Variants in NPAS3 observed in about 807,000 individuals in gnomAD.
NPAS3 encodes the protein neuronal PAS domain-containing protein 3.
Under a neutral mutation model 73.1 loss-of-function variants are expected in NPAS3, and 14 were observed. That is an observed-to-expected ratio of 0.19 (90% CI 0.13 to 0.30). NPAS3 has a LOEUF of 0.30. Among genes scored for constraint, NPAS3 ranks in the 10% least tolerant of loss-of-function variants. NPAS3 has a pLI of 1.00. For synonymous variants in NPAS3, 620 were observed against 541.5 expected, an observed-to-expected ratio of 1.14 and a Z score of -2.01; for missense variants, 1,096 against 1,250.0, an observed-to-expected ratio of 0.88 and a Z score of 1.86.
intron 4 of NPAS3, among the ~76,000 whole-genome samples, chr14:33,419,289 GA>G: frequency 6.6e-6 from 1 of 151,744 alleles, no homozygotes; most frequent in South Asian, 2.1e-4. Context: ...AGATAAGAAA[GA>G]ATAATAAAGA....
intron 7 of NPAS3, among the ~76,000 whole-genome samples, chr14:33,766,077 C>A (rs1002104220): frequency 3.9e-5 from 6 of 152,188 alleles, no homozygotes; most frequent in Admixed American, 3.3e-4. Flanking sequence ...TAGGTTTTCC[C>A]TCATGTGCCA....
chr14:33,225,119 G>C lies in NPAS3; in HGVS notation c.385+9693G>C, dbSNP rs1566697379. Among the ~76,000 whole-genome samples, 6 of 152,106 alleles carry C rather than the reference G, an allele frequency of 3.9e-5. No homozygotes were observed. In the South Asian group the frequency reaches 1.2e-3, roughly 32 times the overall value. On this transcript the variant is annotated intron_variant, in intron 3 of 11. Coordinates refer to ENST00000356141, the Ensembl canonical transcript of NPAS3. ...GCTCAACATTCTAAAGTGCTTCATG[G>C]CTGATTGTATTAGGAAACGTGATTA...
At chr14:33,141,316 G>A (rs1302553138) in intron 2 of NPAS3, among the ~76,000 whole-genome samples, 2 of 152,206 alleles carry the variant, frequency 1.3e-5, no homozygotes, top group Non-Finnish European at 2.9e-5. Flanking sequence ...GATGATGGGT[G>A]TGAGCTATTG....
chr14:33,461,527 G>A (rs1041648419), intron 4 of NPAS3, among the ~76,000 whole-genome samples: 1 of 152,220 alleles, frequency 6.6e-6, no homozygotes, highest in Non-Finnish European at 1.5e-5. Flanking sequence ...TATAAAAGAT[G>A]TTATGAGTTC....
At position 33,369,466 on chromosome 14, in the gene NPAS3, A is replaced by G. The variant is rs1342858832; in HGVS notation, c.468+2198A>G. 1.1e-4 allele frequency among the ~76,000 whole-genome samples: 17 copies of G among 151,428 alleles called. No homozygotes were observed. The East Asian group carries it at 1.5e-3, about 14-fold the overall frequency. On this transcript the variant is annotated intron_variant, in intron 4 of 11. Transcript: ENST00000356141. The stretch of plus-strand genomic sequence containing the variant: ...TCTGTGTCGCTTCAGAATATGAGAA[A>G]AAAGATAAATGGATGAAAATTTAGA...
At chr14:33,028,966 T>A (rs2039899644) in intron 1 of NPAS3, among the ~76,000 whole-genome samples, 1 of 152,132 alleles carries the variant, frequency 6.6e-6, no homozygotes, top group Non-Finnish European at 1.5e-5. Flanking sequence ...CTATTTTTCC[T>A]GATGCTCTCC....
At chr14:33,729,065 AAG>A (rs2061340502) in intron 6 of NPAS3, among the ~76,000 whole-genome samples, 1 of 152,210 alleles carries the variant, frequency 6.6e-6, no homozygotes, top group African/African-American at 2.4e-5. Context: ...GAGAACAGGA[AAG>A]AGAGACAACA....
intron 5 of NPAS3, among the ~76,000 whole-genome samples, chr14:33,599,489 A>G (rs112970390): frequency 1.3e-5 from 2 of 152,368 alleles, no homozygotes; most frequent in African/African-American, 2.4e-5. Flanking sequence ...CCTGTGCACC[A>G]TAATAAATAT....
chr14:33,699,860 A>T (rs2060481571), intron 6 of NPAS3, among the ~76,000 whole-genome samples: 1 of 152,282 alleles, frequency 6.6e-6, no homozygotes, highest in Non-Finnish European at 1.5e-5. Context: ...GGCACAGCTC[A>T]TATATTCCAA....
rs150827564 is a variant in NPAS3, at chr14:33,556,970, G to C, written c.469-3151G>C. Among the ~76,000 whole-genome samples the C allele has an allele frequency of 4.7e-3, 713 of 152,302 alleles. 9 individuals are homozygous for C. The highest frequency in any genetic ancestry group is 0.016 in the African/African-American group (650 of 41,550). ...ACAGTTCTCCGTGATTGTGTACCAA[G>C]CCATGGCTATCAGGTCGAATGGAAA... On this transcript the variant is annotated intron_variant, in intron 4 of 11. Coordinates refer to ENST00000356141, the Ensembl canonical transcript of NPAS3.
chr14:32,962,211 G>T (rs1220793892), intron 1 of NPAS3, among the ~76,000 whole-genome samples: 1 of 152,160 alleles, frequency 6.6e-6, no homozygotes, highest in Non-Finnish European at 1.5e-5. Flanking sequence ...GCCTGTAGAG[G>T]AGGATGCCAA....
Position 33,541,096 on chromosome 14 carries a change from GGTGT to G in NPAS3, c.469-18997_469-18994del, listed in dbSNP as rs140503260. On this transcript the variant is annotated intron_variant, in intron 4 of 11. Transcript: ENST00000356141. Reference sequence around the variant, plus strand: ...GAACTATTGTTGGGGTATGTTTAGAGGTGTGTGTGTGTGTGTGTGTGTGTGTGTG... The same window carrying G: ...GAACTATTGTTGGGGTATGTTTAGAGGTGTGTGTGTGTGTGTGTGTGTGTG... Among the ~76,000 whole-genome samples the G allele has an allele frequency of 1.2e-3, 173 of 142,848 alleles. 2 individuals are homozygous for G. The highest frequency in any genetic ancestry group is 1.6e-3 in the South Asian group (7 of 4,482). The allele number at this position is 142,848 out of a possible 152,430, so 93.7% of individuals were successfully genotyped here. A position where few individuals can be genotyped will look rare whatever the true frequency, so the allele number is the denominator to read the frequency against.
intron 7 of NPAS3, among the ~76,000 whole-genome samples, chr14:33,739,810 C>T (rs868154695): frequency 2.0e-5 from 3 of 152,112 alleles, no homozygotes; most frequent in African/African-American, 7.2e-5. Flanking sequence ...GAACATATTC[C>T]GTCAGTATCA....
intron 5 of NPAS3, among the ~76,000 whole-genome samples, chr14:33,657,583 C>G (rs1450422036): frequency 6.6e-6 from 1 of 152,022 alleles, no homozygotes; most frequent in Non-Finnish European, 1.5e-5. Context: ...GAAAGTTTTC[C>G]TACAGCATGT....
At chr14:33,538,642 C>G (rs1159421134) in intron 4 of NPAS3, among the ~76,000 whole-genome samples, 1 of 152,202 alleles carries the variant, frequency 6.6e-6, no homozygotes, top group Admixed American at 6.5e-5. Flanking sequence ...TTAGATAGCA[C>G]TGACAAGTAT....
chr14:33,421,284 G>A (rs953394575), intron 4 of NPAS3, among the ~76,000 whole-genome samples: 2 of 151,832 alleles, frequency 1.3e-5, no homozygotes, highest in African/African-American at 2.4e-5. Context: ...CCCAATAAAG[G>A]TGTGTCTTTG....
At chr14:33,169,571 A>G (rs1248569836) in intron 2 of NPAS3, among the ~76,000 whole-genome samples, 4 of 152,240 alleles carry the variant, frequency 2.6e-5, no homozygotes, top group Non-Finnish European at 4.4e-5. Context: ...CTGTCTCAAC[A>G]AAAAACAAAC....
intron 5 of NPAS3, among the ~76,000 whole-genome samples, chr14:33,607,952 G>A (rs2057629374): frequency 6.6e-6 from 1 of 152,044 alleles, no homozygotes; most frequent in Non-Finnish European, 1.5e-5. Context: ...GAATAGCGTG[G>A]GGGAAGCTGC....
intron 5 of NPAS3, among the ~76,000 whole-genome samples, chr14:33,589,591 A>G (rs537138334): frequency 1.1e-4 from 17 of 152,322 alleles, no homozygotes; most frequent in Non-Finnish European, 2.2e-4. Flanking sequence ...TTGCTTAATA[A>G]GAGTTTGTAG....
Sources: gnomAD v4.1 joint callset for allele counts (sites outside exome capture counted in the v4.1 genomes callset) on GRCh38, gnomAD v4.1.1 for gene constraint, MANE v1.5 for transcripts, NCBI Gene and HGNC (gene_info 2026-07-23, HGNC 2026-07-21) for gene names.